Variants in THSD4 observed in about 807,000 individuals in gnomAD.
The protein encoded by THSD4 is thrombospondin type-1 domain-containing protein 4.
In THSD4, 69 loss-of-function variants were observed where a neutral mutation model predicts 119.0. That is an observed-to-expected ratio of 0.58 (90% CI 0.48 to 0.71). THSD4 has a LOEUF of 0.71. Among genes scored for constraint, THSD4 ranks in the 30% least tolerant of loss-of-function variants. THSD4 has a pLI of 0.00. For missense variants in THSD4, 1,393 were observed against 1,391.1 expected, an observed-to-expected ratio of 1.00 and a Z score of -0.02; for synonymous variants, 524 against 540.4, an observed-to-expected ratio of 0.97 and a Z score of 0.42.
intron 8 of THSD4, among the ~76,000 whole-genome samples, chr15:71,701,500 C>T (rs1188004069): frequency 6.6e-6 from 1 of 152,066 alleles, no homozygotes; most frequent in East Asian, 1.9e-4. Context: ...ATGTCCATTG[C>T]AGCCAGTTTT....
At chr15:71,523,554 T>G (rs543856097) in intron 7 of THSD4, among the ~76,000 whole-genome samples, 1 of 152,288 alleles carries the variant, frequency 6.6e-6, no homozygotes, top group South Asian at 2.1e-4. Context: ...TTCAACCTAC[T>G]GCAATGATGC....
At chr15:71,241,820 G>T (rs2044155588) in intron 4 of THSD4, among the ~76,000 whole-genome samples, 2 of 152,166 alleles carry the variant, frequency 1.3e-5, no homozygotes, top group Admixed American at 1.3e-4. Flanking sequence ...CATGGCCCAT[G>T]GGCGTCATGT....
intron 6 of THSD4, among the ~76,000 whole-genome samples, chr15:71,314,047 A>G (rs2140353118): frequency 6.6e-6 from 1 of 152,282 alleles, no homozygotes; most frequent in African/African-American, 2.4e-5. Context: ...AAATGTGCTG[A>G]AAGTCCTGCG....
chr15:71,214,455 C>T (rs1283949669), intron 3 of THSD4, among the ~76,000 whole-genome samples: 1 of 152,214 alleles, frequency 6.6e-6, no homozygotes, highest in African/African-American at 2.4e-5. Flanking sequence ...ACAACGAACC[C>T]ACTGGAAGGA....
At chr15:71,450,106 T>C (rs2047241574) in intron 7 of THSD4, among the ~76,000 whole-genome samples, 1 of 152,164 alleles carries the variant, frequency 6.6e-6, no homozygotes, top group African/African-American at 2.4e-5. Context: ...GGGACAAATA[T>C]ATAAATCCAG....
At chr15:71,123,217 C>T (rs186416436) in intron 1 of THSD4, among the ~76,000 whole-genome samples, 16 of 152,166 alleles carry the variant, frequency 1.1e-4, no homozygotes, top group Non-Finnish European at 1.8e-4. Flanking sequence ...CGCTGCTGTG[C>T]GTTAGTGGTC....
chr15:71,612,358 G>C (rs1401812594), intron 7 of THSD4, among the ~76,000 whole-genome samples: 1 of 152,194 alleles, frequency 6.6e-6, no homozygotes, highest in Non-Finnish European at 1.5e-5. Context: ...CAAACCTCTT[G>C]TGTAAGATGG....
At chr15:71,594,012 C>T (rs1004713763) in intron 7 of THSD4, among the ~76,000 whole-genome samples, 3 of 151,840 alleles carry the variant, frequency 2.0e-5, no homozygotes, top group Admixed American at 6.6e-5. Context: ...GGAAAGGTGC[C>T]CAGGAACAGG....
chr15:71,551,885 A>C (rs2048936111), intron 7 of THSD4, among the ~76,000 whole-genome samples: 1 of 152,228 alleles, frequency 6.6e-6, no homozygotes, highest in Non-Finnish European at 1.5e-5. Context: ...GAGGCGCAGC[A>C]AGCAAGCCAC....
intron 1 of THSD4, among the ~76,000 whole-genome samples, chr15:71,135,363 T>TA (rs144312611): frequency 0.039 from 1,914 of 48,910 alleles, 50 homozygotes; most frequent in African/African-American, 0.11. Context: ...TAAAGTATAA[T>TA]AAAAAAAAAA....
intron 3 of THSD4, among the ~76,000 whole-genome samples, chr15:71,168,972 G>T (rs1289088819): frequency 6.6e-6 from 1 of 152,148 alleles, no homozygotes; most frequent in Non-Finnish European, 1.5e-5. Context: ...TCGAGTCGAG[G>T]TTGTTTAAAA....
At chr15:71,262,860 C>G (rs1356995109) in intron 6 of THSD4, among the ~76,000 whole-genome samples, 1 of 152,034 alleles carries the variant, frequency 6.6e-6, no homozygotes, top group Non-Finnish European at 1.5e-5. Flanking sequence ...TACCTGGGGA[C>G]CCAGGCTGGT....
At chr15:71,500,387 G>T (rs1283971350) in intron 7 of THSD4, among the ~76,000 whole-genome samples, 1 of 152,134 alleles carries the variant, frequency 6.6e-6, no homozygotes, top group African/African-American at 2.4e-5. Flanking sequence ...TCTCTCCTCA[G>T]ATATATCGTT....
In THSD4 at chr15:71,533,960, G is replaced by A. The variant is rs555486376; in HGVS notation, c.1152+122137G>A. 4.6e-5 allele frequency among the ~76,000 whole-genome samples: 7 copies of A among 152,164 alleles called. No homozygotes were observed. In the East Asian group the frequency reaches 1.3e-3, roughly 29 times the overall value. On this transcript the variant is annotated intron_variant, in intron 7 of 17. Coordinates refer to ENST00000261862, the MANE Select transcript of THSD4 (RefSeq NM_024817.3). ...TCTCAGGCCCCATCCCAGACCTACT[G>A]ATTTAAAATCATGTTAAGATACGAA...
At chr15:71,610,234 G>A (rs1019231646) in intron 7 of THSD4, among the ~76,000 whole-genome samples, 1 of 152,196 alleles carries the variant, frequency 6.6e-6, no homozygotes, top group African/African-American at 2.4e-5. Flanking sequence ...GAACCATGGT[G>A]GCATTTTGCC....
intron 7 of THSD4, among the ~76,000 whole-genome samples, chr15:71,428,826 A>G (rs77687294): frequency 0.07 from 10,716 of 152,254 alleles, 529 homozygotes; most frequent in Admixed American, 0.17. Context: ...TTCTACATCT[A>G]CAAGCCAATT....
chr15:71,583,433 C>G (rs987123763), intron 7 of THSD4, among the ~76,000 whole-genome samples: 1 of 148,644 alleles, frequency 6.7e-6, no homozygotes, highest in Non-Finnish European at 1.5e-5. Context: ...TTATTACTTT[C>G]TTCCTTCTGT....
intron 6 of THSD4, among the ~76,000 whole-genome samples, chr15:71,390,092 G>T (rs1243764529): frequency 6.6e-6 from 1 of 151,980 alleles, no homozygotes; most frequent in Non-Finnish European, 1.5e-5. Context: ...TTCCATTTTT[G>T]AGGGTGAAAT....
chr15:71,261,678 A>C (rs1193517378), intron 6 of THSD4, among the ~76,000 whole-genome samples: 16 of 152,126 alleles, frequency 1.1e-4, no homozygotes. Flanking sequence ...GGAAGTGGGG[A>C]TTGAGACAGA....
Sources: gnomAD v4.1 joint callset for allele counts (sites outside exome capture counted in the v4.1 genomes callset) on GRCh38, gnomAD v4.1.1 for gene constraint, MANE v1.5 for transcripts, NCBI Gene and HGNC (gene_info 2026-07-23, HGNC 2026-07-21) for gene names.